The following CAND1 variants were observed in gnomAD, a reference collection of about 807,000 sequenced individuals.
CAND1 encodes the protein cullin associated and neddylation dissociated 1.
CAND1 carries 7 observed loss-of-function variants against 108.5 expected under a neutral mutation model. That is an observed-to-expected ratio of 0.06 (90% CI 0.04 to 0.12). The LOEUF is 0.12. Among genes scored for constraint, CAND1 ranks in the 10% least tolerant of loss-of-function variants. CAND1 has a pLI of 1.00. For missense variants in CAND1, 941 were observed against 1,448.7 expected (o/e 0.65, Z 5.69); for synonymous variants, 534 against 512.0 (o/e 1.04, Z -0.58).
At chr12:67,279,528 A>G (rs192331189) in intron 1 of CAND1, among the ~76,000 whole-genome samples, 40 of 152,328 alleles carry the variant, frequency 2.6e-4, no homozygotes, top group African/African-American at 8.9e-4. Context: ...TATTATAATA[A>G]TCTACTTTTT....
In CAND1 at chr12:67,314,864, A is replaced by ATG. The variant is rs1162354511; in HGVS notation, c.*2035_*2036insGT. On this transcript the variant is annotated 3_prime_UTR_variant, in exon 15 of 15. Coordinates refer to ENST00000545606, the MANE Select transcript of CAND1 (RefSeq NM_018448.5). ...AGTGTTTATATACCTGTTTATATGC[A>ATG]TACATTAACAAAATTAGTAACAGCA... 3 of 152,294 alleles carry ATG rather than the reference A, an allele frequency of 2.0e-5. No homozygotes were observed. The East Asian group carries it at 5.8e-4, about 29-fold the overall frequency. 9.4% of individuals were successfully genotyped at this position (152,294 alleles called of 1,614,324 possible). A position where few individuals can be genotyped will look rare whatever the true frequency, so the allele number is the denominator to read the frequency against.
At chr12:67,291,615 A>G (rs1592612679) in intron 2 of CAND1, among the ~76,000 whole-genome samples, 1 of 152,196 alleles carries the variant, frequency 6.6e-6, no homozygotes, top group African/African-American at 2.4e-5. Flanking sequence ...TCTCTTATAC[A>G]CATAGCCCGA....
Position 67,306,418 on chromosome 12 carries a change from T to C in CAND1, c.2750T>C (p.Ile917Thr). The C allele has an allele frequency of 6.2e-7, 1 of 1,614,098 alleles. No individual in the cohort carries two copies. Among genetic ancestry groups the C allele is most frequent in the East Asian group, 2.2e-5 (1 of 44,874 alleles). ...TTACTTCATTCCTTGAAGGAAATTATTAGCTCTGCATCAGTGGTGGGCCTT... is the reference window on the plus strand; with the variant it reads ...TTACTTCATTCCTTGAAGGAAATTACTAGCTCTGCATCAGTGGTGGGCCTT... ...YLLLHSLKEI[I>T]SSASVVGLKP... Residue 917 changes from isoleucine (I) to threonine (T), a missense_variant, in exon 10 of 15, where the codon ATT becomes ACT. Ile to Thr is a moderately conservative substitution (Grantham distance 89, BLOSUM62 -1). Transcript: ENST00000545606.
At chr12:67,306,826 CATG>C (rs894333144) in intron 10 of CAND1, among the ~76,000 whole-genome samples, 6 of 152,076 alleles carry the variant, frequency 3.9e-5, no homozygotes, top group Non-Finnish European at 7.4e-5. Flanking sequence ...TCTAATTCCT[CATG>C]ATAACTACAT....
At chr12:67,302,980 C>G (rs953794706) in intron 8 of CAND1, among the ~76,000 whole-genome samples, 3 of 152,136 alleles carry the variant, frequency 2.0e-5, no homozygotes, top group Admixed American at 6.6e-5. Flanking sequence ...TATTAAACCT[C>G]ACTTTTCTTA....
In CAND1 at chr12:67,297,606, A is replaced by G. The variant is rs752643654; in HGVS notation, c.691A>G (p.Thr231Ala). ...ELSKNDSMST[T>A]RTYIQCIAAI... is the part of the protein sequence containing the mutation. ...GTCCAAAAATGATTCTATGTCAACA[A>G]CAAGAACCTACATACAATGTATTGC... Residue 231 changes from threonine (T) to alanine (A), a missense_variant, in exon 5 of 15, where the codon ACA becomes GCA. Thr to Ala is a moderately conservative substitution (Grantham distance 58, BLOSUM62 0). This residue lies in a region of CAND1 where 697 missense variants were observed against 942.0 expected (regional missense o/e 0.74). Coordinates refer to ENST00000545606, the MANE Select transcript of CAND1 (RefSeq NM_018448.5). 1.2e-6 allele frequency: 2 copies of G among 1,614,070 alleles called. No homozygotes were observed. Among genetic ancestry groups the G allele is most frequent in the East Asian group, 2.2e-5 (1 of 44,872 alleles).
At position 67,299,036 on chromosome 12, in the gene CAND1, A is replaced by G; in HGVS notation, c.941A>G (p.Asp314Gly). The G allele has an allele frequency of 6.7e-7, 1 of 1,495,968 alleles. No individual in the cohort carries two copies. 92.7% of individuals were successfully genotyped at this position (1,495,968 alleles called of 1,614,324 possible). A position where few individuals can be genotyped will look rare whatever the true frequency, so the allele number is the denominator to read the frequency against. Residue 314 changes from aspartate (D) to glycine (G), a missense_variant, in exon 7 of 15, where the codon GAT (aspartate) becomes GGT (glycine). Transcript: ENST00000545606. Reference sequence around the variant, plus strand: ...ACCTATGATCCAAATTATAATTACGATGATGAAGATGAAGATGAAAATGCA... The same window carrying G: ...ACCTATGATCCAAATTATAATTACGGTGATGAAGATGAAGATGAAAATGCA... ...YLTYDPNYNY[D>G]DEDEDENAMD...
At chr12:67,303,002 A>G (rs1470329774) in intron 8 of CAND1, among the ~76,000 whole-genome samples, 1 of 152,192 alleles carries the variant, frequency 6.6e-6, no homozygotes, top group Non-Finnish European at 1.5e-5. Context: ...TTGTAATAAG[A>G]ACGTACTTAG....
At position 67,314,162 on chromosome 12, in the gene CAND1, A is replaced by G. The variant is rs1050390041; in HGVS notation, c.*1332A>G. On this transcript the variant is annotated 3_prime_UTR_variant, in exon 15 of 15. Coordinates refer to ENST00000545606, the MANE Select transcript of CAND1 (RefSeq NM_018448.5). ...TCCTAATGCTGTGCAAACATAGTTT[A>G]CATGTATTGAAGGAGGCAGTTGTTA... The G allele has an allele frequency of 1.3e-5, 2 of 152,242 alleles. No homozygotes were observed. Among genetic ancestry groups the G allele is most frequent in the African/African-American group, 4.8e-5 (2 of 41,468 alleles). 9.4% of individuals were successfully genotyped at this position (152,242 alleles called of 1,614,324 possible).
In CAND1 at chr12:67,297,628, TTGC is replaced by T; in HGVS notation, c.718_720del (p.Ala240del). The T allele has an allele frequency of 6.2e-7, 1 of 1,613,574 alleles. No homozygotes were observed. The highest frequency in any genetic ancestry group is 8.5e-7 in the Non-Finnish European group (1 of 1,179,556). ...ACAACAAGAACCTACATACAATGTA[TTGC>T]TGCTATTAGTAGGCAAGCTGGTCAT... is the stretch of plus-strand genomic sequence containing the variant. On this transcript the variant is annotated inframe_deletion, in exon 5 of 15. Coordinates refer to ENST00000545606, the MANE Select transcript of CAND1 (RefSeq NM_018448.5).
chr12:67,297,469 C>T lies in CAND1; in HGVS notation c.554C>T (p.Thr185Ile), dbSNP rs2044780554. The change falls in exon 5 of 15, where the codon ACC becomes ATC. Residue 185 changes from threonine to isoleucine, a missense_variant. Thr to Ile is a moderately conservative substitution (Grantham distance 89). Transcript: ENST00000545606. ...SILTCLLPQL[T>I]SPRLAVRKRT... is the part of the protein sequence containing the mutation. ...CTGACCTGTCTACTTCCCCAGTTGA[C>T]CAGCCCTAGACTTGCAGTGAGGAAA... 1.2e-6 allele frequency: 2 copies of T among 1,613,866 alleles called. No individual in the cohort carries two copies. The highest frequency in any genetic ancestry group is 1.7e-6 in the Non-Finnish European group (2 of 1,179,920).
intron 1 of CAND1, among the ~76,000 whole-genome samples, chr12:67,276,735 T>A (rs1408042348): frequency 6.6e-6 from 1 of 152,228 alleles, no homozygotes; most frequent in Non-Finnish European, 1.5e-5. Flanking sequence ...ATGCCTTAGC[T>A]GTTAAGCATC....
rs2045033134 is a variant in CAND1 at position 67,318,806 on chromosome 12, T to A, written c.*5976T>A. On this transcript the variant is annotated 3_prime_UTR_variant, in exon 15 of 15. Coordinates refer to ENST00000545606, the MANE Select transcript of CAND1 (RefSeq NM_018448.5). ...CTGACATAAGGAAGCACCATAAAAT[T>A]CTGCTGTATGAGAGGTATACACGGG... 1 of 152,230 alleles carries A rather than the reference T, an allele frequency of 6.6e-6. No homozygotes were observed. The highest frequency in any genetic ancestry group is 2.4e-5 in the African/African-American group (1 of 41,450). 9.4% of individuals were successfully genotyped at this position (152,230 alleles called of 1,614,324 possible). A position where few individuals can be genotyped will look rare whatever the true frequency, so the allele number is the denominator to read the frequency against.
intron 6 of CAND1, 120 bp downstream of exon 6, chr12:67,297,973 C>T (rs1160687323): frequency 1.9e-6 from 1 of 513,442 alleles, no homozygotes; most frequent in African/African-American, 1.9e-5. Context: ...ACAGACAATA[C>T]AGTATTTGAA....
Position 67,282,043 on chromosome 12 carries a change from G to A in CAND1, c.202G>A (p.Ala68Thr), listed in dbSNP as rs2044624506. ...EDKNGEVQNLAVKCLGPLVSK... is the reference protein window; with the variant it reads ...EDKNGEVQNLTVKCLGPLVSK... ...TAAAAATGGAGAGGTACAGAATTTA[G>A]CTGTCAAATGGTAAGTTGTTTTTTA... is the stretch of plus-strand genomic sequence containing the variant. Residue 68 changes from alanine to threonine, a missense_variant, in exon 2 of 15, where the codon GCT becomes ACT. Ala to Thr is a moderately conservative substitution (Grantham distance 58, BLOSUM62 0). Around this residue, in one of 9 missense-constraint regions of CAND1, gnomAD observed 44 missense variants for 129.1 expected, o/e 0.34. Coordinates refer to ENST00000545606, the MANE Select transcript of CAND1 (RefSeq NM_018448.5). 1 of 1,611,872 alleles carries A rather than the reference G, an allele frequency of 6.2e-7. No homozygotes were observed. The highest frequency in any genetic ancestry group is 8.5e-7 in the Non-Finnish European group (1 of 1,179,326).
At chr12:67,293,693 T>C (rs939030852) in intron 3 of CAND1, among the ~76,000 whole-genome samples, 1 of 151,980 alleles carries the variant, frequency 6.6e-6, no homozygotes, top group Admixed American at 6.5e-5. Context: ...GCGGAGGTTG[T>C]GGTGAGCCGA....
rs777118495 is a variant in CAND1, at chr12:67,305,447, G to A, written c.1779G>A (p.Met593Ile). Residue 593 changes from methionine to isoleucine, a missense_variant, in exon 10 of 15, where the codon ATG becomes ATA. Met to Ile is a conservative substitution (Grantham distance 10). Coordinates refer to ENST00000545606, the MANE Select transcript of CAND1 (RefSeq NM_018448.5). The surrounding 1 kb of genome is among the most constrained non-coding windows in gnomAD (Gnocchi z 4.4). ...QEVKERAISC[M>I]GQIICNLGDN... ...TCAAGGAAAGGGCTATTTCCTGTAT[G>A]GGACAAATTATTTGCAACCTTGGAG... 11 of 1,613,412 alleles carry A rather than the reference G, an allele frequency of 6.8e-6. No homozygotes were observed. Among genetic ancestry groups the A allele is most frequent in the Non-Finnish European group, 9.3e-6 (11 of 1,180,002 alleles).
At chr12:67,285,801 C>T (rs1482807388) in intron 2 of CAND1, among the ~76,000 whole-genome samples, 3 of 152,176 alleles carry the variant, frequency 2.0e-5, no homozygotes, top group Non-Finnish European at 4.4e-5. Flanking sequence ...GTTCCTGTGT[C>T]TGGCTATTTT....
rs1277789782 is a variant in CAND1, at chr12:67,304,819, A to G, written c.1435+73A>G. The G allele has an allele frequency of 7.8e-6, 12 of 1,533,412 alleles. No homozygotes were observed. The East Asian group carries it at 9.0e-5, about 12-fold the overall frequency. The allele number at this position is 1,533,412 out of a possible 1,614,324, so 95.0% of individuals were successfully genotyped here. On this transcript the variant is annotated intron_variant, in intron 9 of 14. Transcript: ENST00000545606. ...GTTAGGACTTAGATAAGCTTAAATA[A>G]TTGTTTCCTTTTAAAGGAATATATG...
Sources: gnomAD v4.1 joint callset for allele counts (sites outside exome capture counted in the v4.1 genomes callset) on GRCh38, gnomAD v4.1.1 for gene constraint, gnomAD v4.1.1 regional missense constraint, Gnocchi (gnomAD v3.1) non-coding constraint, MANE v1.5 for transcripts, NCBI Gene and HGNC (gene_info 2026-07-23, HGNC 2026-07-21) for gene names.